Variants in SMG8 observed in about 807,000 individuals in gnomAD.
The protein encoded by SMG8 is SMG8 nonsense mediated mRNA decay factor, also known as nonsense-mediated mRNA decay factor SMG8.
In SMG8, 49 loss-of-function variants were observed where a neutral mutation model predicts 82.1. The ratio of observed to expected loss-of-function variants is 0.60; its 90% CI spans 0.47 to 0.76. The LOEUF (loss-of-function observed/expected upper bound fraction) is 0.76. SMG8 is among the 30% of genes least tolerant of loss of function. SMG8 has a pLI of 0.00. For missense variants in SMG8, 969 were observed against 1,166.4 expected, an observed-to-expected ratio of 0.83 and a Z score of 2.46; for synonymous variants, 404 against 430.0, an observed-to-expected ratio of 0.94 and a Z score of 0.75.
Position 59,211,548 on chromosome 17 carries a change from A to G in SMG8, c.1497A>G (p.Arg499=). Residue 499 remains arginine (R), a synonymous_variant, in exon 1 of 4, where the codon CGA becomes CGG. Transcript: ENST00000300917. ...LDIDTKFSEN[R]CQKALPMAHS... Reference sequence around the variant, plus strand: ...TTGACACAAAATTCTCAGAAAACCGATGCCAAAAAGCTTTACCCATGGCCC... The same window carrying G: ...TTGACACAAAATTCTCAGAAAACCGGTGCCAAAAAGCTTTACCCATGGCCC... 1 of 1,614,150 alleles carries G rather than the reference A, an allele frequency of 6.2e-7. No individual in the cohort carries two copies. Among genetic ancestry groups the G allele is most frequent in the Non-Finnish European group, 8.5e-7 (1 of 1,180,034 alleles).
In SMG8 at chr17:59,210,838, C is replaced by G; in HGVS notation, c.787C>G (p.Pro263Ala). ...DWKLNCRPCP[P>A]RLLFLFQLNG... Reference sequence around the variant, plus strand: ...GAAGCTAAACTGCCGACCTTGCCCACCTAGACTCCTTTTCCTCTTTCAACT... The same window carrying G: ...GAAGCTAAACTGCCGACCTTGCCCAGCTAGACTCCTTTTCCTCTTTCAACT... Residue 263 changes from proline to alanine, a missense_variant, in exon 1 of 4, where the codon CCT becomes GCT. Pro to Ala is a conservative substitution (Grantham distance 27, BLOSUM62 -1). Transcript: ENST00000300917. 6.2e-7 allele frequency: 1 copy of G among 1,614,202 alleles called. No homozygotes were observed. The highest frequency in any genetic ancestry group is 8.5e-7 in the Non-Finnish European group (1 of 1,180,040).
Position 59,210,559 on chromosome 17 carries a change from C to G in SMG8, c.508C>G (p.Gln170Glu). ...SQLLRACRALQSGEAGGGLSL... is the reference protein window; with the variant it reads ...SQLLRACRALESGEAGGGLSL... ...GCTTCTCCGGGCTTGTCGGGCTCTT[C>G]AGAGCGGGGAAGCTGGAGGTGGACT... The change falls in exon 1 of 4, where the codon CAG becomes GAG. Residue 170 changes from glutamine (Q) to glutamate (E), a missense_variant. By Grantham distance (29) the Gln-to-Glu change is conservative (BLOSUM62 2). Around this residue, in one of 3 missense-constraint regions of SMG8, gnomAD observed 662 missense variants for 884.8 expected, o/e 0.75. Transcript: ENST00000300917. The G allele has an allele frequency of 6.4e-7, 1 of 1,574,038 alleles. No individual in the cohort carries two copies. The highest frequency in any genetic ancestry group is 8.6e-7 in the Non-Finnish European group (1 of 1,162,716).
rs552931033 is a variant in SMG8 at position 59,215,058 on chromosome 17, G to T, written c.*56G>T. 2 of 848,368 alleles carry T rather than the reference G, an allele frequency of 2.4e-6. No homozygotes were observed. The highest frequency in any genetic ancestry group is 1.3e-5 in the South Asian group (1 of 74,158). 52.6% of individuals were successfully genotyped at this position (848,368 alleles called of 1,614,324 possible). A position where few individuals can be genotyped will look rare whatever the true frequency, so the allele number is the denominator to read the frequency against. ...GAGCTGGTTTTTGTTTTTGGTATTT[G>T]TGGCTGTGTTTTTGGTATGTGTTTA... On this transcript the variant is annotated 3_prime_UTR_variant, in exon 4 of 4. Transcript: ENST00000300917.
At chr17:59,211,924 AT>A in intron 1 of SMG8, 114 bp downstream of exon 1, 2 of 897,130 alleles carry the variant, frequency 2.2e-6, no homozygotes, top group Non-Finnish European at 3.1e-6. Context: ...CCCTACAGAA[AT>A]TTAGGTGCAT....
In SMG8 at chr17:59,210,898, C is replaced by T. The variant is rs2046943013; in HGVS notation, c.847C>T (p.Gln283Ter). The change falls in exon 1 of 4, where the codon CAA (glutamine) becomes TAA (stop). Residue 283 changes from glutamine to a stop codon, truncating the protein, a stop_gained. Coordinates refer to ENST00000300917, the MANE Select transcript of SMG8 (RefSeq NM_018149.7). LOFTEE classifies it high-confidence loss of function. ...CCTCAAGGTAGAACCTCCTCGGAAC[C>T]AAGACCCAGCTCATCCAGACAAGCC... ...GALKVEPPRNQDPAHPDKPKK... is the reference protein window; with the variant it reads ...GALKVEPPRN 6.2e-7 allele frequency: 1 copy of T among 1,614,176 alleles called. No individual in the cohort carries two copies. Among genetic ancestry groups the T allele is most frequent in the South Asian group, 1.1e-5 (1 of 91,086 alleles).
At position 59,212,376 on chromosome 17, in the gene SMG8, CTA is replaced by C; in HGVS notation, c.1799_1800del (p.Tyr600SerfsTer3). 6.2e-7 allele frequency: 1 copy of C among 1,600,068 alleles called. No homozygotes were observed. Among genetic ancestry groups the C allele is most frequent in the Admixed American group, 1.7e-5 (1 of 59,792 alleles). ...KPEADRNPPVLYHNSRARSTG... is the reference protein window; with the variant it reads ...KPEADRNPPVXYHNSRARSTG... Reference sequence around the variant, plus strand: ...AGAGGCTGATAGAAATCCGCCTGTGCTATATCACAATAGCCGAGCTCGATCTA... The same window carrying C: ...AGAGGCTGATAGAAATCCGCCTGTGCTATCACAATAGCCGAGCTCGATCTA... On this transcript the variant is annotated frameshift_variant, in exon 2 of 4. Transcript: ENST00000300917. LOFTEE classifies it high-confidence loss of function.
Position 59,210,194 on chromosome 17 carries a change from G to C in SMG8, c.143G>C (p.Cys48Ser), listed in dbSNP as rs2046938843. 7 of 1,600,078 alleles carry C rather than the reference G, an allele frequency of 4.4e-6. No homozygotes were observed. Among genetic ancestry groups the C allele is most frequent in the Non-Finnish European group, 4.3e-6 (5 of 1,173,000 alleles). The change falls in exon 1 of 4, where the codon TGC becomes TCC. Residue 48 changes from cysteine (C) to serine (S), a missense_variant. Cys to Ser is a moderately radical substitution (Grantham distance 112). Transcript: ENST00000300917. Reference sequence around the variant, plus strand: ...CCTCCATGGCGGGAGGATGAGATCTGCGTTGTGGGAATCTTCGGCAAGACG... The same window carrying C: ...CCTCCATGGCGGGAGGATGAGATCTCCGTTGTGGGAATCTTCGGCAAGACG... ...PEPPWREDEI[C>S]VVGIFGKTAL...
intron 3 of SMG8, 34 bp downstream of exon 3, chr17:59,213,635 G>C (rs757792440): frequency 3.8e-5 from 59 of 1,545,876 alleles, no homozygotes; most frequent in Non-Finnish European, 4.6e-5. Context: ...CCCCAAACAA[G>C]TAAAAAATGC....
At chr17:59,212,226 C>G in intron 1 of SMG8, 115 bp from the exon 2 acceptor site, 1 of 740,886 alleles carries the variant, frequency 1.3e-6, no homozygotes, top group South Asian at 3.5e-5. Context: ...TCACTTGCTT[C>G]TTCTGTTATG....
Position 59,211,434 on chromosome 17 carries a change from T to C in SMG8, c.1383T>C (p.Asp461=). ...CAAAACTGTATGAGGTGGCTATTGA[T>C]GGGAAAGAAGAGGACTTGGGGTCAC... ...AASKLYEVAI[D]GKEEDLGSPT... is the part of the protein sequence containing the mutation. The change falls in exon 1 of 4, where the codon GAT becomes GAC. Residue 461 remains aspartate (D), a synonymous_variant. Transcript: ENST00000300917. 1 of 1,614,158 alleles carries C rather than the reference T, an allele frequency of 6.2e-7. No homozygotes were observed. Among genetic ancestry groups the C allele is most frequent in the Admixed American group, 1.7e-5 (1 of 60,014 alleles).
intron 2 of SMG8, 113 bp from the exon 3 acceptor site, chr17:59,212,616 G>A: frequency 1.4e-6 from 2 of 1,459,276 alleles, no homozygotes; most frequent in Non-Finnish European, 1.8e-6. Flanking sequence ...ATAAACAGGA[G>A]CAAATTCTTT....
At position 59,211,919 on chromosome 17, in the gene SMG8, C is replaced by T; in HGVS notation, c.1759+109C>T. The T allele has an allele frequency of 2.9e-6, 3 of 1,035,226 alleles. 1 individual carries two copies. The highest frequency in any genetic ancestry group is 4.6e-5 in the South Asian group (2 of 43,850). The allele number at this position is 1,035,226 out of a possible 1,614,324, so 64.1% of individuals were successfully genotyped here. On this transcript the variant is annotated intron_variant, in intron 1 of 3. Coordinates refer to ENST00000300917, the MANE Select transcript of SMG8 (RefSeq NM_018149.7). ...TATTGATATTTTAGAAAGAGCCCTACAGAAATTTAGGTGCATCAGCTATAC... is the reference window on the plus strand; with the variant it reads ...TATTGATATTTTAGAAAGAGCCCTATAGAAATTTAGGTGCATCAGCTATAC...
chr17:59,210,419 C>A lies in SMG8; in HGVS notation c.368C>A (p.Ala123Glu). ...TCAGTTCGGGGAAGTGGAGCTGTCG[C>A]GGAAGGTAACCGAACTGAGGCAGGC... ...GGSVRGSGAV[A>E]EGNRTEAGSQ... The change falls in exon 1 of 4, where the codon GCG becomes GAG. Residue 123 changes from alanine (A) to glutamate (E), a missense_variant. Ala to Glu is a moderately radical substitution (Grantham distance 107). Coordinates refer to ENST00000300917, the MANE Select transcript of SMG8 (RefSeq NM_018149.7). 6.2e-7 allele frequency: 1 copy of A among 1,610,614 alleles called. No homozygotes were observed. Among genetic ancestry groups the A allele is most frequent in the Non-Finnish European group, 8.5e-7 (1 of 1,178,652 alleles).
At position 59,213,023 on chromosome 17, in the gene SMG8, C is replaced by A; in HGVS notation, c.2200C>A (p.Pro734Thr). The change falls in exon 3 of 4, where the codon CCA becomes ACA. Residue 734 changes from proline (P) to threonine (T), a missense_variant. Transcript: ENST00000300917. Reference protein sequence around the residue: ...GQVEVKTEKRPNFVDRQASTV... With the variant: ...GQVEVKTEKRTNFVDRQASTV... ...AGTAGAAGTGAAAACTGAGAAGAGGCCAAACTTCGTTGATCGACAGGCATC... is the reference window on the plus strand; with the variant it reads ...AGTAGAAGTGAAAACTGAGAAGAGGACAAACTTCGTTGATCGACAGGCATC... 6.2e-7 allele frequency: 1 copy of A among 1,614,124 alleles called. No homozygotes were observed. Among genetic ancestry groups the A allele is most frequent in the Non-Finnish European group, 8.5e-7 (1 of 1,180,034 alleles).
chr17:59,212,082 CT>C (rs1160956067), intron 1 of SMG8: 3 of 424,956 alleles, frequency 7.1e-6, no homozygotes, highest in Non-Finnish European at 1.2e-5. Context: ...CATATTAACA[CT>C]TTGCCTTGGA....
In SMG8 at chr17:59,210,046, T is replaced by A; in HGVS notation, c.-6T>A. 1.3e-6 allele frequency: 2 copies of A among 1,533,190 alleles called. No individual in the cohort carries two copies. The highest frequency in any genetic ancestry group is 2.6e-5 in the South Asian group (2 of 78,028). 95.0% of individuals were successfully genotyped at this position (1,533,190 alleles called of 1,614,324 possible). A position where few individuals can be genotyped will look rare whatever the true frequency, so the allele number is the denominator to read the frequency against. On this transcript the variant is annotated 5_prime_UTR_variant, in exon 1 of 4. Transcript: ENST00000300917. ...ACCGGAAGGACTCTAGAGAACGCTCTGCACTATGGCTGGTCCCGTGAGCTT... is the reference window on the plus strand; with the variant it reads ...ACCGGAAGGACTCTAGAGAACGCTCAGCACTATGGCTGGTCCCGTGAGCTT...
Position 59,210,595 on chromosome 17 carries a change from C to T in SMG8, c.544C>T (p.His182Tyr), listed in dbSNP as rs750647813. 5 of 1,598,696 alleles carry T rather than the reference C, an allele frequency of 3.1e-6. No homozygotes were observed. Among genetic ancestry groups the T allele is most frequent in the African/African-American group, 2.7e-5 (2 of 74,450 alleles). ...AGCTGGAGGTGGACTCTCTTTACCTCATGCAGAAGCACACGAGTTCTGGAA... is the reference window on the plus strand; with the variant it reads ...AGCTGGAGGTGGACTCTCTTTACCTTATGCAGAAGCACACGAGTTCTGGAA... ...GEAGGGLSLP[H>Y]AEAHEFWKHQ... Residue 182 changes from histidine (H) to tyrosine (Y), a missense_variant, in exon 1 of 4, where the codon CAT becomes TAT. Coordinates refer to ENST00000300917, the MANE Select transcript of SMG8 (RefSeq NM_018149.7).
In SMG8 at chr17:59,213,492, A is replaced by G. The variant is rs778211637; in HGVS notation, c.2669A>G (p.Tyr890Cys). 6.2e-6 allele frequency: 10 copies of G among 1,614,206 alleles called. No individual in the cohort carries two copies. The highest frequency in any genetic ancestry group is 8.5e-6 in the Non-Finnish European group (10 of 1,180,038). Residue 890 changes from tyrosine (Y) to cysteine (C), a missense_variant, in exon 3 of 4, where the codon TAT becomes TGT. Transcript: ENST00000300917. ...GCCCTAAATAGTGACATGCCCTTATATATTCTGTCATCCTCTCAAGGTAGA... is the reference window on the plus strand; with the variant it reads ...GCCCTAAATAGTGACATGCCCTTATGTATTCTGTCATCCTCTCAAGGTAGA... ...LKALNSDMPLYILSSSQGRGL... is the reference protein window; with the variant it reads ...LKALNSDMPLCILSSSQGRGL...
Position 59,211,189 on chromosome 17 carries a change from C to G in SMG8, c.1138C>G (p.Gln380Glu), listed in dbSNP as rs151279404. 3.1e-5 allele frequency: 50 copies of G among 1,614,090 alleles called. No homozygotes were observed. Among genetic ancestry groups the G allele is most frequent in the African/African-American group, 4.0e-5 (3 of 74,934 alleles). The change falls in exon 1 of 4, where the codon CAG becomes GAG. Residue 380 changes from glutamine (Q) to glutamate (E), a missense_variant. Physicochemically the swap from Gln to Glu is conservative, Grantham distance 29 (BLOSUM62 2). Coordinates refer to ENST00000300917, the MANE Select transcript of SMG8 (RefSeq NM_018149.7). ...ACCCCTTTCTGGGCCTAGGCGATACCAGGTGATGAGGCAGCACAGCCGACA... is the reference window on the plus strand; with the variant it reads ...ACCCCTTTCTGGGCCTAGGCGATACGAGGTGATGAGGCAGCACAGCCGACA... ...PAPLSGPRRY[Q>E]VMRQHSRQQL...
Sources: gnomAD v4.1 joint callset for allele counts on GRCh38, gnomAD v4.1.1 for gene constraint, gnomAD v4.1.1 regional missense constraint, MANE v1.5 for transcripts, NCBI Gene and HGNC (gene_info 2026-07-23, HGNC 2026-07-21) for gene names.